Variants in LINGO3 observed in about 807,000 individuals in gnomAD.
LINGO3 encodes leucine-rich repeat and immunoglobulin-like domain-containing nogo receptor-interacting protein 3.
For synonymous variants in LINGO3, 427 were observed against 444.2 expected, an observed-to-expected ratio of 0.96 and a Z score of 0.49; for missense variants, 750 against 867.7, an observed-to-expected ratio of 0.86 and a Z score of 1.70.
At chr19:2,294,747 A>G (rs2025558019), upstream of LINGO3, among the ~76,000 whole-genome samples, 1 of 149,978 alleles carries the variant, frequency 6.7e-6, no homozygotes, top group Non-Finnish European at 1.5e-5. This position sits in a 1 kb window ranked among gnomAD's most constrained non-coding sequence, Gnocchi z 4.3. Flanking sequence ...CTCTCCTGGG[A>G]GCCTGCTGCA....
chr19:2,304,987 G>T, the LINGO3 span, among the ~76,000 whole-genome samples: 1 of 152,088 alleles, frequency 6.6e-6, no homozygotes, highest in African/African-American at 2.4e-5. Flanking sequence ...CAGACTACAA[G>T]CGTGAGCCAC....
exon 1 of LINGO3, chr19:2,291,061 G>C: frequency 1.9e-6 from 3 of 1,609,902 alleles, no homozygotes; most frequent in Non-Finnish European, 1.7e-6. Context: ...GCTGCCCGCC[G>C]CCACCTCCTC....
At chr19:2,291,867 C>T (rs1177469495) in exon 1 of LINGO3, 1 of 1,170,406 alleles carries the variant, frequency 8.5e-7, no homozygotes. Context: ...CGTTAGCACC[C>T]CTCCGCGGCG....
At chr19:2,304,991 G>A in the LINGO3 span, among the ~76,000 whole-genome samples, 2 of 152,104 alleles carry the variant, frequency 1.3e-5, no homozygotes, top group African/African-American at 4.8e-5. Flanking sequence ...CTACAAGCGT[G>A]AGCCACCACA....
At position 2,291,500 on chromosome 19, in the gene LINGO3, C is replaced by T. The variant is rs200778841; in HGVS notation, c.277G>A (p.Val93Met). ...AGGTTGGCGAAGGCGCCGGGCTCCA[C>T]GTGCGCGATGGCGTTCTCGCTCAGG... The change falls in exon 1 of 1, where the codon GTG (valine) becomes ATG (methionine). Residue 93 changes from valine (V) to methionine (M), a missense_variant. Transcript: ENST00000585527. The T allele has an allele frequency of 5.8e-5, 94 of 1,611,264 alleles. No homozygotes were observed. The highest frequency in any genetic ancestry group is 7.4e-5 in the Non-Finnish European group (87 of 1,179,106).
chr19:2,302,060 G>GTTTTT, the LINGO3 span, among the ~76,000 whole-genome samples: 2 of 71,736 alleles, frequency 2.8e-5, no homozygotes, highest in African/African-American at 5.3e-5. Flanking sequence ...TTTGTGGGTA[G>GTTTTT]TTTTTTTTTT....
chr19:2,300,633 G>A, the LINGO3 span, among the ~76,000 whole-genome samples: 1 of 151,948 alleles, frequency 6.6e-6, no homozygotes, highest in Admixed American at 6.5e-5. Context: ...CCCCGGCCAC[G>A]CGGAGCCAAC....
downstream of LINGO3, chr19:2,289,770 G>C: frequency 2.6e-6 from 1 of 387,696 alleles, no homozygotes. Flanking sequence ...AGCCACCATA[G>C]CAGGGACAGG....
downstream of LINGO3, among the ~76,000 whole-genome samples, chr19:2,287,587 C>T (rs2025479378): frequency 6.6e-6 from 1 of 152,224 alleles, no homozygotes; most frequent in Non-Finnish European, 1.5e-5. The surrounding 1 kb of genome is among the most constrained non-coding windows in gnomAD (Gnocchi z 4.5). Context: ...CTCCTTCCAG[C>T]TCCTTCTGAA....
At chr19:2,306,003 CGAG>C in the LINGO3 span, among the ~76,000 whole-genome samples, 1 of 152,210 alleles carries the variant, frequency 6.6e-6, no homozygotes, top group Admixed American at 6.5e-5. Context: ...GTCAACCCCT[CGAG>C]GGGCTGGGGG....
In LINGO3 at chr19:2,290,101, T is replaced by G. The variant is rs2025503007; in HGVS notation, c.1676A>C (p.His559Pro). The G allele has an allele frequency of 1.2e-6, 2 of 1,602,812 alleles. No homozygotes were observed. Among genetic ancestry groups the G allele is most frequent in the African/African-American group, 2.7e-5 (2 of 74,434 alleles). ...GTACTCCACCGAGAAGTTGTTTTTG[T>G]GCTGCCCGCGGCCGCGGCTCCACAC... Residue 559 changes from histidine to proline, a missense_variant, in exon 1 of 1, where the codon CAC becomes CCC. Coordinates refer to ENST00000585527, the Ensembl canonical transcript of LINGO3. This position sits in a 1 kb window ranked among gnomAD's most constrained non-coding sequence, Gnocchi z 6.0.
At chr19:2,291,137 C>G (rs1351364995) in exon 1 of LINGO3, 1 of 1,607,332 alleles carries the variant, frequency 6.2e-7, no homozygotes, top group African/African-American at 1.3e-5. Flanking sequence ...TTCTGGTCCT[C>G]CAGGGAGGCG....
At chr19:2,301,102 C>A in the LINGO3 span, among the ~76,000 whole-genome samples, 1 of 152,120 alleles carries the variant, frequency 6.6e-6, no homozygotes, top group African/African-American at 2.4e-5. Flanking sequence ...ATCCTCAGCC[C>A]TGCTGAGGTC....
At chr19:2,303,828 C>T in the LINGO3 span, among the ~76,000 whole-genome samples, 1 of 152,242 alleles carries the variant, frequency 6.6e-6, no homozygotes, top group Non-Finnish European at 1.5e-5. Flanking sequence ...CTGAACTGGA[C>T]ACCAGGTGCT....
chr19:2,296,471 CTCTG>C (rs1287910917), upstream of LINGO3, among the ~76,000 whole-genome samples: 1 of 152,026 alleles, frequency 6.6e-6, no homozygotes, highest in African/African-American at 2.4e-5. Flanking sequence ...CAGAGCGAGA[CTCTG>C]TCTTTTGGTT....
At chr19:2,291,275 G>C in exon 1 of LINGO3, 1 of 1,612,384 alleles carries the variant, frequency 6.2e-7, no homozygotes, top group Non-Finnish European at 8.5e-7. Flanking sequence ...GCGAAGGCGC[G>C]GCGCGAGACG....
upstream of LINGO3, among the ~76,000 whole-genome samples, chr19:2,292,199 AAAAATT>A (rs1424038800): frequency 2.1e-4 from 32 of 150,436 alleles, no homozygotes; most frequent in Non-Finnish European, 4.3e-4. Context: ...TTAAAAAAAA[AAAAATT>A]AAAAATTAGC....
At position 2,290,662 on chromosome 19, in the gene LINGO3, A is replaced by G. The variant is rs1354847618; in HGVS notation, c.1115T>C (p.Phe372Ser). The G allele has an allele frequency of 1.2e-6, 2 of 1,606,074 alleles. No individual in the cohort carries two copies. Among genetic ancestry groups the G allele is most frequent in the Non-Finnish European group, 1.7e-6 (2 of 1,177,724 alleles). Residue 372 changes from phenylalanine to serine, a missense_variant, in exon 1 of 1, where the codon TTC (phenylalanine) becomes TCC (serine). Coordinates refer to ENST00000585527, the Ensembl canonical transcript of LINGO3. This position sits in a 1 kb window ranked among gnomAD's most constrained non-coding sequence, Gnocchi z 6.0. ...GGCGCAGGCCGGCAGCCGCCCGTCG[A>G]AGTTGAGGGTCTTGCGACGCTGCAC...
chr19:2,289,767 A>C, downstream of LINGO3: 27 of 224,164 alleles, frequency 1.2e-4, no homozygotes, highest in East Asian at 2.9e-4. Context: ...CTCAGCCACC[A>C]TAGCAGGGAC....
Sources: allele counts gnomAD v4.1 joint callset (sites outside exome capture counted in the v4.1 genomes callset), GRCh38; gene constraint gnomAD v4.1.1; non-coding constraint Gnocchi (gnomAD v3.1); transcripts MANE v1.5; gene names NCBI Gene and HGNC (gene_info 2026-07-23, HGNC 2026-07-21).